The following XKR4 variants were observed in gnomAD, a reference collection of about 807,000 sequenced individuals.
XKR4 encodes XK-related protein 4.
A neutral mutation model predicts 53.9 loss-of-function variants in XKR4; 12 were observed. The observed-to-expected ratio is 0.22, with a 90% CI of 0.14 to 0.36. The LOEUF (loss-of-function observed/expected upper bound fraction) is 0.36. XKR4 is among the 10% of genes least tolerant of loss of function. The pLI is 1.00. For missense variants in XKR4, 799 were observed against 859.5 expected (o/e 0.93, Z 0.88); for synonymous variants, 354 against 362.4 (o/e 0.98, Z 0.26).
chr8:55,202,747 A>G (rs1817591950), intron 1 of XKR4, among the ~76,000 whole-genome samples: 1 of 152,378 alleles, frequency 6.6e-6, no homozygotes, highest in East Asian at 1.9e-4. Flanking sequence ...CAGGCAGACT[A>G]AAATGAATCA....
chr8:55,212,431 C>A (rs988536997), intron 1 of XKR4, among the ~76,000 whole-genome samples: 47 of 152,228 alleles, frequency 3.1e-4, no homozygotes, highest in African/African-American at 1.1e-3. Context: ...ATGTTGGTAT[C>A]TTATTGCTGG....
At chr8:55,444,224 A>G (rs1805313398) in intron 2 of XKR4, among the ~76,000 whole-genome samples, 1 of 152,174 alleles carries the variant, frequency 6.6e-6, no homozygotes, top group South Asian at 2.1e-4. Context: ...ATACAAAACA[A>G]AAGTAATTTC....
At chr8:55,487,591 C>A (rs114198485) in intron 2 of XKR4, among the ~76,000 whole-genome samples, 1 of 152,140 alleles carries the variant, frequency 6.6e-6, no homozygotes, top group South Asian at 2.1e-4. Flanking sequence ...CTCAGCTTCC[C>A]GAGTAAGTGG....
At chr8:55,216,855 A>C (rs1817807045) in intron 1 of XKR4, among the ~76,000 whole-genome samples, 1 of 152,096 alleles carries the variant, frequency 6.6e-6, no homozygotes, top group Admixed American at 6.5e-5. Context: ...CTGGAGTAAG[A>C]TATTTGCCAT....
chr8:55,477,705 C>G (rs985003309), intron 2 of XKR4, among the ~76,000 whole-genome samples: 1 of 129,236 alleles, frequency 7.7e-6, no homozygotes, highest in African/African-American at 3.8e-5. Context: ...GCAGAGAGTC[C>G]TTAAAGGAGC....
intron 2 of XKR4, among the ~76,000 whole-genome samples, chr8:55,442,826 G>A (rs79197140): frequency 0.01 from 1,532 of 152,300 alleles, 27 homozygotes; most frequent in African/African-American, 0.035. Context: ...GAGAGAAAGA[G>A]GCGTGGGGAG....
chr8:55,204,473 A>G (rs909592824), intron 1 of XKR4, among the ~76,000 whole-genome samples: 2 of 152,370 alleles, frequency 1.3e-5, no homozygotes, highest in African/African-American at 4.8e-5. Flanking sequence ...CTGAAGCACA[A>G]AAGTTCCTTG....
At chr8:55,151,889 C>T (rs1029360290) in intron 1 of XKR4, among the ~76,000 whole-genome samples, 2 of 152,144 alleles carry the variant, frequency 1.3e-5, no homozygotes, top group African/African-American at 4.8e-5. Context: ...AGCCATTTCC[C>T]TAACATCGTC....
chr8:55,328,625 T>C (rs1380491121), intron 1 of XKR4, among the ~76,000 whole-genome samples: 1 of 152,204 alleles, frequency 6.6e-6, no homozygotes, highest in African/African-American at 2.4e-5. Flanking sequence ...GGGTTCACAT[T>C]GCACAGAGAG....
chr8:55,447,426 C>G (rs998942277), intron 2 of XKR4, among the ~76,000 whole-genome samples: 6 of 152,136 alleles, frequency 3.9e-5, no homozygotes, highest in Non-Finnish European at 8.8e-5. Flanking sequence ...ATAACACACA[C>G]AGACTAGCTT....
chr8:55,480,353 G>A (rs1017955661), intron 2 of XKR4, among the ~76,000 whole-genome samples: 8 of 151,976 alleles, frequency 5.3e-5, no homozygotes, highest in Admixed American at 1.3e-4. Flanking sequence ...ATTCAATAAC[G>A]CTTCATGCTA....
intron 2 of XKR4, among the ~76,000 whole-genome samples, chr8:55,493,767 C>T (rs1275764977): frequency 6.6e-6 from 1 of 152,164 alleles, no homozygotes; most frequent in Non-Finnish European, 1.5e-5. Flanking sequence ...ATGACTGTGC[C>T]CTTTACCCAA....
At chr8:55,478,573 C>T (rs1806041803) in intron 2 of XKR4, among the ~76,000 whole-genome samples, 1 of 152,112 alleles carries the variant, frequency 6.6e-6, no homozygotes, top group Non-Finnish European at 1.5e-5. Context: ...TGTAAATGGG[C>T]TAAATGCTCC....
At chr8:55,450,888 G>T in intron 2 of XKR4, 1 of 472,792 alleles carries the variant, frequency 2.1e-6, no homozygotes, top group South Asian at 2.0e-5. Flanking sequence ...TCCCAGCACC[G>T]ACACCTGCAG....
chr8:55,428,610 T>C (rs1474628139), intron 2 of XKR4, among the ~76,000 whole-genome samples: 1 of 152,200 alleles, frequency 6.6e-6, no homozygotes, highest in Admixed American at 6.5e-5. Context: ...GCAGCGAGTC[T>C]GCTTTTCTCA....
At chr8:55,147,056 T>A (rs576328028) in intron 1 of XKR4, among the ~76,000 whole-genome samples, 2 of 152,356 alleles carry the variant, frequency 1.3e-5, no homozygotes, top group Non-Finnish European at 2.9e-5. Flanking sequence ...AAAGGCCATA[T>A]GATATGATAG....
intron 1 of XKR4, among the ~76,000 whole-genome samples, chr8:55,271,830 A>G (rs1013087): frequency 0.36 from 55,271 of 152,138 alleles, 12,125 homozygotes; most frequent in Non-Finnish European, 0.49. Flanking sequence ...GTTTTTGTTT[A>G]GCTTCCTGGA....
chr8:55,177,088 G>A (rs1173200992), intron 1 of XKR4, among the ~76,000 whole-genome samples: 1 of 151,280 alleles, frequency 6.6e-6, no homozygotes, highest in African/African-American at 2.4e-5. Context: ...CCAGGCTGGA[G>A]TGTAGTGGCA....
In XKR4 at chr8:55,102,610, G is replaced by A; in HGVS notation, c.122G>A (p.Gly41Glu). ...GGATTGGCTCCAGGCTTGCCGTCGG[G>A]GTCGGGAGCCGAGGACGAGGAGGCG... ...VQGLAPGLPS[G>E]SGAEDEEAAG... Residue 41 changes from glycine to glutamate, a missense_variant, in exon 1 of 3, where the codon GGG (glycine) becomes GAG (glutamate). This residue lies in a region of XKR4 where 476 missense variants were observed against 505.4 expected (regional missense o/e 0.94). Transcript: ENST00000327381. This position sits in a 1 kb window ranked among gnomAD's most constrained non-coding sequence, Gnocchi z 5.1. 3 of 1,443,506 alleles carry A rather than the reference G, an allele frequency of 2.1e-6. No homozygotes were observed. Among genetic ancestry groups the A allele is most frequent in the Admixed American group, 2.2e-5 (1 of 45,734 alleles). 89.4% of individuals were successfully genotyped at this position (1,443,506 alleles called of 1,614,324 possible).
Sources: allele counts gnomAD v4.1 joint callset (sites outside exome capture counted in the v4.1 genomes callset), GRCh38; gene constraint gnomAD v4.1.1; regional missense constraint gnomAD v4.1.1; non-coding constraint Gnocchi (gnomAD v3.1); transcripts MANE v1.5; gene names NCBI Gene and HGNC (gene_info 2026-07-23, HGNC 2026-07-21).